DGKB: variants seen among roughly 807,000 people sequenced by gnomAD.
The protein encoded by DGKB is 90 kDa diacylglycerol kinase.
DGKB carries 67 observed loss-of-function variants against 114.3 expected under a neutral mutation model. That is an observed-to-expected ratio of 0.59 (90% CI 0.48 to 0.72). The LOEUF (loss-of-function observed/expected upper bound fraction) is 0.72, where lower values mean the gene tolerates loss of function less well. Among genes scored for constraint, DGKB ranks in the 30% least tolerant of loss-of-function variants. The pLI is 0.00. For missense variants in DGKB, 907 were observed against 975.2 expected, an observed-to-expected ratio of 0.93 and a Z score of 0.93; for synonymous variants, 398 against 323.1, an observed-to-expected ratio of 1.23 and a Z score of -2.49.
chr7:14,928,243 C>T (rs1048504960), intron 1 of DGKB, among the ~76,000 whole-genome samples: 2 of 151,872 alleles, frequency 1.3e-5, no homozygotes, highest in Non-Finnish European at 2.9e-5. Context: ...TTATAGAAAT[C>T]TATTTAGTTG....
intron 21 of DGKB, among the ~76,000 whole-genome samples, chr7:14,346,968 G>C (rs147867079): frequency 3.3e-5 from 5 of 152,048 alleles, no homozygotes; most frequent in African/African-American, 7.2e-5. Flanking sequence ...CTTTTCTCCA[G>C]ACCTTCCAGG....
chr7:14,164,341 G>C (rs1165892978), intron 25 of DGKB, among the ~76,000 whole-genome samples: 1 of 152,132 alleles, frequency 6.6e-6, no homozygotes, highest in Non-Finnish European at 1.5e-5. Context: ...TACAATCGCT[G>C]TGCAACTTTT....
intron 21 of DGKB, among the ~76,000 whole-genome samples, chr7:14,436,404 C>T (rs1329406708): frequency 6.6e-6 from 1 of 152,054 alleles, no homozygotes; most frequent in Non-Finnish European, 1.5e-5. Context: ...CTTTGATTGA[C>T]TTGCCAACAC....
At position 14,941,452 on chromosome 7, in the gene DGKB, G is replaced by C. The variant is rs143738533; in HGVS notation, c.-188+33244C>G. On this transcript the variant is annotated intron_variant, in intron 1 of 4. Transcript: ENST00000437998. The stretch of plus-strand genomic sequence containing the variant: ...TTTTTCAAATATTAATTTACATTAA[G>C]ATTGTTATCCTGAGGTCCATGGACT... 4.4e-3 allele frequency among the ~76,000 whole-genome samples: 663 copies of C among 152,174 alleles called. 4 individuals carry two copies. The highest frequency in any genetic ancestry group is 0.015 in the African/African-American group (607 of 41,556).
intron 21 of DGKB, among the ~76,000 whole-genome samples, chr7:14,364,410 AGAAG>A (rs1816290375): frequency 6.6e-6 from 1 of 151,918 alleles, no homozygotes; most frequent in Admixed American, 6.6e-5. Context: ...AAAAAAAGAA[AGAAG>A]GAAGAAAGGA....
At chr7:14,833,122 A>G (rs1846651362) in intron 2 of DGKB, among the ~76,000 whole-genome samples, 1 of 152,010 alleles carries the variant, frequency 6.6e-6, no homozygotes, top group Admixed American at 6.6e-5. Context: ...CTGCCTCTAG[A>G]TACTCCCTGT....
At chr7:14,234,161 T>A (rs2128347590) in intron 23 of DGKB, among the ~76,000 whole-genome samples, 1 of 152,122 alleles carries the variant, frequency 6.6e-6, no homozygotes, top group East Asian at 1.9e-4. Flanking sequence ...GTGATGGACT[T>A]TGAAATTCAA....
intron 1 of DGKB, among the ~76,000 whole-genome samples, chr7:14,880,236 G>A (rs915006041): frequency 0.02 from 2 of 102 alleles, no homozygotes; most frequent in Admixed American, 0.1. Flanking sequence ...CAAGGCAGGC[G>A]GATCACAAGC....
At chr7:14,776,148 GA>G (rs1316594199) in intron 2 of DGKB, among the ~76,000 whole-genome samples, 8 of 152,092 alleles carry the variant, frequency 5.3e-5, no homozygotes. Flanking sequence ...GATACCTGTG[GA>G]AATTTGAACT....
At position 14,835,263 on chromosome 7, in the gene DGKB, TAA is replaced by T. The variant is rs1846988986; in HGVS notation, c.70+5929_70+5930del. Among the ~76,000 whole-genome samples the T allele has an allele frequency of 3.3e-5, 5 of 152,294 alleles. No individual in the cohort carries two copies. The South Asian group carries it at 1.0e-3, about 32-fold the overall frequency. On this transcript the variant is annotated intron_variant, in intron 2 of 25. Transcript: ENST00000402815. Reference sequence around the variant, plus strand: ...GATAAGTGTTTTAACTGAAAAGGCTTAAATATTTTAAAAGTCCACATTTCATA... The same window carrying T: ...GATAAGTGTTTTAACTGAAAAGGCTTATATTTTAAAAGTCCACATTTCATA...
At chr7:14,934,476 T>C (rs1785179686) in intron 1 of DGKB, among the ~76,000 whole-genome samples, 1 of 152,134 alleles carries the variant, frequency 6.6e-6, no homozygotes, top group African/African-American at 2.4e-5. Context: ...TAAAAATTGG[T>C]TTTCATTTAT....
intron 12 of DGKB, among the ~76,000 whole-genome samples, chr7:14,677,756 G>A (rs1820123097): frequency 6.6e-6 from 1 of 152,038 alleles, no homozygotes; most frequent in South Asian, 2.1e-4. Context: ...AGACAGAAAA[G>A]AGAACTGAGG....
intron 23 of DGKB, among the ~76,000 whole-genome samples, chr7:14,196,447 T>C (rs975095550): frequency 1.3e-5 from 2 of 152,174 alleles, no homozygotes; most frequent in Non-Finnish European, 2.9e-5. Context: ...CTATTTTCTA[T>C]ATTTTTCTCC....
At chr7:14,214,269 T>G (rs80273094) in intron 23 of DGKB, among the ~76,000 whole-genome samples, 1 of 152,134 alleles carries the variant, frequency 6.6e-6, no homozygotes. Context: ...TTGTTGACAC[T>G]CTTGTCTTCA....
At chr7:14,260,855 C>CTAA in intron 23 of DGKB, among the ~76,000 whole-genome samples, 1 of 152,244 alleles carries the variant, frequency 6.6e-6, no homozygotes, top group South Asian at 2.1e-4. Context: ...CTACAAAAAG[C>CTAA]TAATTCATTG....
intron 21 of DGKB, among the ~76,000 whole-genome samples, chr7:14,426,964 G>A (rs1827664256): frequency 6.6e-6 from 1 of 151,928 alleles, no homozygotes; most frequent in Admixed American, 6.6e-5. Flanking sequence ...AGAGGCTGAG[G>A]CATGAAAATC....
chr7:14,480,463 C>T (rs1782821594), intron 20 of DGKB, among the ~76,000 whole-genome samples: 2 of 152,038 alleles, frequency 1.3e-5, no homozygotes, highest in Admixed American at 1.3e-4. Context: ...CACATGGGAC[C>T]CTGTCCCTTT....
intron 23 of DGKB, among the ~76,000 whole-genome samples, chr7:14,249,258 G>A (rs778407826): frequency 2.6e-5 from 4 of 152,056 alleles, no homozygotes; most frequent in African/African-American, 4.8e-5. Context: ...GTATATTGTG[G>A]AGTTTTTGCA....
chr7:14,174,960 C>T (rs1376814255), intron 25 of DGKB, among the ~76,000 whole-genome samples: 6 of 152,136 alleles, frequency 3.9e-5, no homozygotes, highest in Non-Finnish European at 5.9e-5. Context: ...AAGGAATACA[C>T]CAGAAACAAA....
Sources: gnomAD v4.1 joint callset for allele counts (sites outside exome capture counted in the v4.1 genomes callset) on GRCh38, gnomAD v4.1.1 for gene constraint, MANE v1.5 for transcripts, NCBI Gene and HGNC (gene_info 2026-07-23, HGNC 2026-07-21) for gene names.